RNF180: variants seen among roughly 807,000 people sequenced by gnomAD.
RNF180 encodes ring finger protein 180.
Under a neutral mutation model 59.2 loss-of-function variants are expected in RNF180, and 38 were observed. The ratio of observed to expected loss-of-function variants is 0.64; its 90% CI spans 0.50 to 0.84. The LOEUF (loss-of-function observed/expected upper bound fraction) is 0.84. Ranked by LOEUF, RNF180 falls within the 40% of genes least tolerant of loss-of-function variation. RNF180 has a pLI of 0.00. For missense variants in RNF180, 705 were observed against 700.9 expected (o/e 1.01, Z -0.07); for synonymous variants, 262 against 240.3 (o/e 1.09, Z -0.84).
chr5:64,366,526 TCC>T (rs1746454334), intron 7 of RNF180, among the ~76,000 whole-genome samples: 1 of 151,602 alleles, frequency 6.6e-6, no homozygotes, highest in African/African-American at 2.4e-5. Context: ...GTGGATGATC[TCC>T]TGTAATATGT....
chr5:64,215,255 CTT>C (rs955564438), intron 4 of RNF180, among the ~76,000 whole-genome samples: 1 of 149,190 alleles, frequency 6.7e-6, no homozygotes, highest in Non-Finnish European at 1.5e-5. Context: ...TCTGAATAAA[CTT>C]TTTTTTTTGC....
chr5:64,195,603 A>G (rs72769842), intron 1 of RNF180, among the ~76,000 whole-genome samples: 15,464 of 152,302 alleles, frequency 0.1, 891 homozygotes, highest in South Asian at 0.17. Context: ...ATTGATATAA[A>G]TAAGAGTTAA....
intron 1 of RNF180, among the ~76,000 whole-genome samples, chr5:64,190,198 A>G (rs911727209): frequency 3.9e-5 from 6 of 152,224 alleles, no homozygotes; most frequent in Non-Finnish European, 8.8e-5. Context: ...AGGTCAGACC[A>G]TTAAGCCAGA....
intron 5 of RNF180, among the ~76,000 whole-genome samples, chr5:64,223,177 T>C (rs1741457149): frequency 6.6e-6 from 1 of 152,216 alleles, no homozygotes; most frequent in Non-Finnish European, 1.5e-5. Flanking sequence ...TTCTAGAGTC[T>C]ACCCTCATTT....
chr5:64,182,745 G>T (rs1750670296), intron 1 of RNF180, among the ~76,000 whole-genome samples: 3 of 152,166 alleles, frequency 2.0e-5, no homozygotes, highest in Admixed American at 2.0e-4. Context: ...TACTCCTGAA[G>T]AAAGGGAGAA....
chr5:64,238,388 ATTT>A (rs1445271252), intron 5 of RNF180, among the ~76,000 whole-genome samples: 1 of 152,088 alleles, frequency 6.6e-6, no homozygotes, highest in Non-Finnish European at 1.5e-5. Flanking sequence ...TGGCAGTTCT[ATTT>A]TTATTATTTA....
rs573628243 is a variant in RNF180, at chr5:64,239,418, G to A, written c.1227+22022G>A. The stretch of plus-strand genomic sequence containing the variant: ...TTTGCTCCTAGTAGTAATTGCTTTT[G>A]CTGCACGTTACATTTTCCTGTCTGC... On this transcript the variant is annotated intron_variant, in intron 5 of 7. Transcript: ENST00000389100. Among the ~76,000 whole-genome samples the A allele has an allele frequency of 1.5e-3, 226 of 152,234 alleles. 1 individual carries two copies. The highest frequency in any genetic ancestry group is 5.2e-3 in the African/African-American group (217 of 41,556).
intron 1 of RNF180, among the ~76,000 whole-genome samples, chr5:64,169,642 T>G (rs1453044893): frequency 6.6e-6 from 1 of 152,162 alleles, no homozygotes; most frequent in Non-Finnish European, 1.5e-5. Flanking sequence ...TTTAACCAAG[T>G]AGCCTGTTTA....
intron 4 of RNF180, 40 bp from the exon 5 acceptor site, chr5:64,217,321 G>A (rs1561196808): frequency 2.9e-6 from 4 of 1,368,158 alleles, no homozygotes; most frequent in Admixed American, 3.3e-5. Context: ...AGACATTCAT[G>A]TGCTTATTTT....
In RNF180 at chr5:64,208,873, G is replaced by A. The variant is rs559396389; in HGVS notation, c.136-3192G>A. On this transcript the variant is annotated intron_variant, in intron 2 of 7. Transcript: ENST00000389100. ...TTATATTATTTTTTCTCAAATGAAG[G>A]AGGTTGGGTTGAGGGGTACAAAAGG... Among the ~76,000 whole-genome samples the A allele has an allele frequency of 2.7e-4, 41 of 152,008 alleles. 1 individual carries two copies. The South Asian group carries it at 7.9e-3, about 29-fold the overall frequency.
Position 64,330,377 on chromosome 5 carries a change from G to A in RNF180, c.1550G>A (p.Ser517Asn), listed in dbSNP as rs896657348. Residue 517 changes from serine to asparagine, a missense_variant, in exon 7 of 8, where the codon AGC becomes AAC. Physicochemically the swap from Ser to Asn is conservative, Grantham distance 46 (BLOSUM62 1). Transcript: ENST00000389100. ...KSNSAKWPLP[S>N]CRKAFHLFGG... ...AACTCTGCAAAATGGCCCCTACCAA[G>A]CTGCAGAAAAGCATTTCATCTTTTT... The A allele has an allele frequency of 1.3e-6, 2 of 1,539,280 alleles. No homozygotes were observed. The highest frequency in any genetic ancestry group is 1.7e-6 in the Non-Finnish European group (2 of 1,144,292).
intron 5 of RNF180, among the ~76,000 whole-genome samples, chr5:64,225,459 A>G (rs1325479389): frequency 1.5e-5 from 2 of 130,158 alleles, no homozygotes; most frequent in Admixed American, 8.1e-5. Flanking sequence ...ATCGTCTGGG[A>G]TGTGAGGAGT....
chr5:64,336,201 G>A (rs1346504340), intron 7 of RNF180, among the ~76,000 whole-genome samples: 1 of 152,010 alleles, frequency 6.6e-6, no homozygotes, highest in African/African-American at 2.4e-5. Context: ...GTGTCATTTT[G>A]TGTTCTTATA....
intron 6 of RNF180, among the ~76,000 whole-genome samples, chr5:64,327,862 A>T (rs369257516): frequency 1.3e-5 from 2 of 152,214 alleles, no homozygotes; most frequent in African/African-American, 4.8e-5. Flanking sequence ...GGAATGAGTT[A>T]TTAAAGTCTC....
intron 5 of RNF180, among the ~76,000 whole-genome samples, chr5:64,303,063 A>G (rs1202076408): frequency 2.0e-5 from 3 of 151,574 alleles, no homozygotes; most frequent in Non-Finnish European, 4.4e-5. Context: ...TATTTTAAAC[A>G]CTTTTGTTAT....
At chr5:64,263,609 C>T (rs1744481513) in intron 5 of RNF180, among the ~76,000 whole-genome samples, 1 of 152,242 alleles carries the variant, frequency 6.6e-6, no homozygotes, top group East Asian at 1.9e-4. Context: ...CTTGTTTCCT[C>T]AGCTGCACAA....
At chr5:64,263,790 A>G (rs1468468688) in intron 5 of RNF180, among the ~76,000 whole-genome samples, 1 of 152,080 alleles carries the variant, frequency 6.6e-6, no homozygotes, top group Non-Finnish European at 1.5e-5. Flanking sequence ...TCTATTTTTT[A>G]TTTCGTTTTA....
At chr5:64,217,609 C>A in intron 5 of RNF180, 1 of 657,354 alleles carries the variant, frequency 1.5e-6, no homozygotes, top group Non-Finnish European at 2.1e-6. Flanking sequence ...GGATGCTGAA[C>A]ATATGTGCTT....
chr5:64,255,946 G>A (rs1485507769), intron 5 of RNF180, among the ~76,000 whole-genome samples: 1 of 152,148 alleles, frequency 6.6e-6, no homozygotes, highest in Non-Finnish European at 1.5e-5. Flanking sequence ...TTCTCTGATG[G>A]CCAGTGATGA....
Sources: allele counts gnomAD v4.1 joint callset (sites outside exome capture counted in the v4.1 genomes callset), GRCh38; gene constraint gnomAD v4.1.1; transcripts MANE v1.5; gene names NCBI Gene and HGNC (gene_info 2026-07-23, HGNC 2026-07-21).